ADPGK: variants seen among roughly 807,000 people sequenced by gnomAD.
ADPGK encodes the protein ADP-dependent glucokinase.
In ADPGK, 26 loss-of-function variants were observed where a neutral mutation model predicts 42.4. The observed-to-expected ratio is 0.61, with a 90% CI of 0.45 to 0.85. The LOEUF (loss-of-function observed/expected upper bound fraction) is 0.85. Among genes scored for constraint, ADPGK ranks in the 40% least tolerant of loss-of-function variants. The probability of loss-of-function intolerance (pLI) is 0.00; values close to 1 mark genes in which losing one functional copy is unlikely to be tolerated. For missense variants in ADPGK, 571 were observed against 627.0 expected (o/e 0.91, Z 0.95); for synonymous variants, 267 against 252.6 (o/e 1.06, Z -0.54).
At chr15:72,767,326 C>G (rs1439113700) in intron 3 of ADPGK, among the ~76,000 whole-genome samples, 1 of 150,716 alleles carries the variant, frequency 6.6e-6, no homozygotes, top group Non-Finnish European at 1.5e-5. Context: ...AGACAAGTAT[C>G]CAAAATTACA....
chr15:72,756,079 A>T (rs1434302849), intron 5 of ADPGK, 172 bp downstream of exon 5: 3 of 763,860 alleles, frequency 3.9e-6, no homozygotes, highest in South Asian at 2.9e-5. Context: ...CCCACATCTG[A>T]AGGGATACAG....
At chr15:72,766,466 A>AAC (rs1157415275) in intron 3 of ADPGK, among the ~76,000 whole-genome samples, 1 of 152,202 alleles carries the variant, frequency 6.6e-6, no homozygotes, top group African/African-American at 2.4e-5. Context: ...ATCAAGGCAA[A>AAC]ACACTCTGCC....
At position 72,752,754 on chromosome 15, in the gene ADPGK, A is replaced by G; in HGVS notation, c.1081T>C (p.Trp361Arg). 6.2e-7 allele frequency: 1 copy of G among 1,614,226 alleles called. No homozygotes were observed. The highest frequency in any genetic ancestry group is 8.5e-7 in the Non-Finnish European group (1 of 1,180,040). Residue 361 changes from tryptophan to arginine, a missense_variant, in exon 7 of 7, where the codon TGG (tryptophan) becomes CGG (arginine). Trp to Arg is a moderately radical substitution (Grantham distance 101, BLOSUM62 -3). Coordinates refer to ENST00000456471, the MANE Select transcript of ADPGK (RefSeq NM_001365225.1). ...CTCCTCCCATGTTCTTTCAAGATCC[A>G]GAAGAGGATGTCACTGACCATGCCC... Reference protein sequence around the residue: ...DVGMVSDILFWILKEHGRSKS... With the variant: ...DVGMVSDILFRILKEHGRSKS...
At position 72,782,326 on chromosome 15, in the gene ADPGK, C is replaced by G. The variant is rs1461262411; in HGVS notation, c.233+1133G>C. 4.6e-5 allele frequency among the ~76,000 whole-genome samples: 7 copies of G among 151,790 alleles called. No homozygotes were observed. In the South Asian group the frequency reaches 1.2e-3, roughly 27 times the overall value. On this transcript the variant is annotated intron_variant, in intron 1 of 6. Coordinates refer to ENST00000456471, the MANE Select transcript of ADPGK (RefSeq NM_001365225.1). ...CTCAGGAGTTCGAGACCAGCCTGGG[C>G]AATATAGCAAGACCTCGACTCTACT...
intron 1 of ADPGK, among the ~76,000 whole-genome samples, chr15:72,779,149 GC>G (rs1256472352): frequency 6.6e-6 from 1 of 151,794 alleles, no homozygotes; most frequent in Non-Finnish European, 1.5e-5. Flanking sequence ...GAATTATCTA[GC>G]TAGAATGGAG....
intron 4 of ADPGK, chr15:72,758,550 G>A: frequency 4.4e-6 from 1 of 224,790 alleles, no homozygotes; most frequent in South Asian, 6.4e-5. Flanking sequence ...CTCCCTCCTT[G>A]GACCTAGGAA....
At chr15:72,766,417 AGCTTCAGCCACCACCCTGATCAG>A (rs1290012038) in intron 3 of ADPGK, among the ~76,000 whole-genome samples, 1 of 152,178 alleles carries the variant, frequency 6.6e-6, no homozygotes, top group Non-Finnish European at 1.5e-5. Flanking sequence ...AGCCACCCCA[AGCTTCAGCCACCACCCTGATCAG>A]CCAGCAGCCA....
intron 4 of ADPGK, 139 bp downstream of exon 4, chr15:72,760,268 T>C (rs1349899913): frequency 1.4e-5 from 16 of 1,119,426 alleles, no homozygotes; most frequent in South Asian, 2.0e-5. Flanking sequence ...GTAGAACCAA[T>C]AGGTCAGGAA....
In ADPGK at chr15:72,783,675, C is replaced by A; in HGVS notation, c.17G>T (p.Gly6Val). The A allele has an allele frequency of 2.0e-6, 3 of 1,500,506 alleles. No individual in the cohort carries two copies. Among genetic ancestry groups the A allele is most frequent in the East Asian group, 5.4e-5 (2 of 37,112 alleles). 92.9% of individuals were successfully genotyped at this position (1,500,506 alleles called of 1,614,324 possible). A position where few individuals can be genotyped will look rare whatever the true frequency, so the allele number is the denominator to read the frequency against. The change falls in exon 1 of 7, where the codon GGC becomes GTC. Residue 6 changes from glycine (G) to valine (V), a missense_variant. Physicochemically the swap from Gly to Val is moderately radical, Grantham distance 109. Around this residue, in one of 2 missense-constraint regions of ADPGK, gnomAD observed 137 missense variants for 104.2 expected, o/e 1.31. Transcript: ENST00000456471. ...CGCCAGGAAGCCCGCGTACGCGGAG[C>A]CGCGCCACAGCGCCATGGGGACCCA... MALWR[G>V]SAYAGFLALA...
At position 72,760,618 on chromosome 15, in the gene ADPGK, T is replaced by C. The variant is rs2066180760; in HGVS notation, c.523-91A>G. 2.9e-6 allele frequency: 4 copies of C among 1,393,104 alleles called. No individual in the cohort carries two copies. The South Asian group carries it at 7.1e-5, about 25-fold the overall frequency. 86.3% of individuals were successfully genotyped at this position (1,393,104 alleles called of 1,614,324 possible). A position where few individuals can be genotyped will look rare whatever the true frequency, so the allele number is the denominator to read the frequency against. On this transcript the variant is annotated intron_variant, in intron 3 of 6. Coordinates refer to ENST00000456471, the MANE Select transcript of ADPGK (RefSeq NM_001365225.1). ...CCCCAGGACAGTACATTCAGGCTGA[T>C]TCTAATCATTTCAACAAAATATTGG...
chr15:72,778,710 G>A (rs2066419392), intron 1 of ADPGK, among the ~76,000 whole-genome samples: 1 of 152,096 alleles, frequency 6.6e-6, no homozygotes, highest in Admixed American at 6.6e-5. Flanking sequence ...CCTGTAAAAT[G>A]TTTTCTAAGG....
Position 72,783,676 on chromosome 15 carries a change from C to G in ADPGK, c.16G>C (p.Gly6Arg), listed in dbSNP as rs1016788842. 9.4e-6 allele frequency: 14 copies of G among 1,496,874 alleles called. No homozygotes were observed. Among genetic ancestry groups the G allele is most frequent in the Non-Finnish European group, 1.1e-5 (12 of 1,130,056 alleles). The allele number at this position is 1,496,874 out of a possible 1,614,324, so 92.7% of individuals were successfully genotyped here. The change falls in exon 1 of 7, where the codon GGC becomes CGC. Residue 6 changes from glycine (G) to arginine (R), a missense_variant. By Grantham distance (125) the Gly-to-Arg change is moderately radical. Coordinates refer to ENST00000456471, the MANE Select transcript of ADPGK (RefSeq NM_001365225.1). MALWR[G>R]SAYAGFLALA... ...GCCAGGAAGCCCGCGTACGCGGAGC[C>G]GCGCCACAGCGCCATGGGGACCCAG...
At chr15:72,779,805 A>G (rs2066434597) in intron 1 of ADPGK, among the ~76,000 whole-genome samples, 1 of 152,080 alleles carries the variant, frequency 6.6e-6, no homozygotes. Flanking sequence ...AAAATTTGCA[A>G]TCCTGTTTCT....
rs34149613 is a variant in ADPGK, at chr15:72,752,522, G to A, written c.1313C>T (p.Ser438Leu). 0.11 allele frequency: 174,563 copies of A among 1,614,100 alleles called. 10,459 individuals are homozygous for A. The highest frequency in any genetic ancestry group is 0.12 in the Non-Finnish European group (146,141 of 1,180,008). The change falls in exon 7 of 7, where the codon TCG becomes TTG. Residue 438 changes from serine (S) to leucine (L), a missense_variant. Ser to Leu is a moderately radical substitution (Grantham distance 145, BLOSUM62 -2). Around this residue, in one of 2 missense-constraint regions of ADPGK, gnomAD observed 434 missense variants for 522.7 expected, o/e 0.83. Coordinates refer to ENST00000456471, the MANE Select transcript of ADPGK (RefSeq NM_001365225.1). ...RAPQEFMTSH[S>L]EAGSRIVLNP... The stretch of plus-strand genomic sequence containing the variant: ...TAATACAATCCTGGAGCCTGCCTCC[G>A]AATGGGAAGTCATGAACTCTTGGGG...
intron 2 of ADPGK, among the ~76,000 whole-genome samples, chr15:72,772,677 A>T (rs1159749421): frequency 6.6e-6 from 1 of 152,136 alleles, no homozygotes; most frequent in East Asian, 1.9e-4. Flanking sequence ...GTGTTCAGTA[A>T]ATGTTTGTTG....
intron 1 of ADPGK, among the ~76,000 whole-genome samples, chr15:72,777,460 A>C (rs1372274862): frequency 6.6e-6 from 1 of 152,162 alleles, no homozygotes; most frequent in Non-Finnish European, 1.5e-5. Context: ...CAGGTGGATC[A>C]TGAGGTCAGG....
intron 1 of ADPGK, among the ~76,000 whole-genome samples, chr15:72,781,224 T>G (rs1421126401): frequency 6.6e-6 from 1 of 152,156 alleles, no homozygotes; most frequent in Non-Finnish European, 1.5e-5. Flanking sequence ...CTGCTCAAAA[T>G]CCACCCTTCA....
intron 3 of ADPGK, among the ~76,000 whole-genome samples, chr15:72,769,646 G>T (rs902064967): frequency 1.3e-5 from 2 of 152,094 alleles, no homozygotes; most frequent in African/African-American, 2.4e-5. Context: ...TTAAAGGCAC[G>T]GTTCCTCTCC....
intron 1 of ADPGK, 90 bp from the exon 2 acceptor site, chr15:72,775,187 T>A: frequency 8.9e-7 from 1 of 1,124,084 alleles, no homozygotes; most frequent in Non-Finnish European, 1.3e-6. Context: ...CTCAGAACCT[T>A]ATTCAACAGA....
Sources: allele counts gnomAD v4.1 joint callset (sites outside exome capture counted in the v4.1 genomes callset), GRCh38; gene constraint gnomAD v4.1.1; regional missense constraint gnomAD v4.1.1; transcripts MANE v1.5; gene names NCBI Gene and HGNC (gene_info 2026-07-23, HGNC 2026-07-21).